TP73: variants seen among roughly 807,000 people sequenced by gnomAD.
TP73 encodes p53-like transcription factor.
Under a neutral mutation model 62.5 loss-of-function variants are expected in TP73, and 25 were observed. The ratio of observed to expected loss-of-function variants is 0.40; its 90% CI spans 0.29 to 0.56. TP73 has a LOEUF of 0.56. Among genes scored for constraint, TP73 ranks in the 20% least tolerant of loss-of-function variants. The pLI, the probability that TP73 is intolerant of heterozygous loss-of-function variation, is 0.46. For synonymous variants in TP73, 423 were observed against 377.5 expected (o/e 1.12, Z -1.40); for missense variants, 754 against 913.3 (o/e 0.83, Z 2.25).
At position 3,730,874 on chromosome 1, in the gene TP73, C is replaced by T. The variant is rs547082305; in HGVS notation, c.1346-53C>T. The T allele has an allele frequency of 1.2e-5, 19 of 1,532,390 alleles. 1 individual carries two copies. The South Asian group carries it at 1.7e-4, about 14-fold the overall frequency. The allele number at this position is 1,532,390 out of a possible 1,614,324, so 94.9% of individuals were successfully genotyped here. A position where few individuals can be genotyped will look rare whatever the true frequency, so the allele number is the denominator to read the frequency against. ...GTGTCTGGAGCCTGGGTGGAGGCTG[C>T]ACCTGGATGCCCAGCCTGGCTGCCC... On this transcript the variant is annotated intron_variant, in intron 11 of 13. Transcript: ENST00000378295.
intron 1 of TP73, among the ~76,000 whole-genome samples, chr1:3,667,169 G>A (rs1482172735): frequency 6.6e-6 from 1 of 152,116 alleles, no homozygotes; most frequent in Non-Finnish European, 1.5e-5. Context: ...TTGTCCCAGG[G>A]CCTCCAGAAC....
At chr1:3,704,131 C>T (rs558594288) in intron 3 of TP73, among the ~76,000 whole-genome samples, 1 of 152,362 alleles carries the variant, frequency 6.6e-6, no homozygotes, top group East Asian at 1.9e-4. Flanking sequence ...AGCAGCCACG[C>T]TGTAATAGGA....
intron 1 of TP73, among the ~76,000 whole-genome samples, chr1:3,656,342 C>G (rs1461015426): frequency 6.6e-6 from 1 of 152,250 alleles, no homozygotes; most frequent in Non-Finnish European, 1.5e-5. Flanking sequence ...CTCGCTCATC[C>G]AAAGTGCTTT....
chr1:3,718,102 C>G (rs1434789205), intron 4 of TP73, among the ~76,000 whole-genome samples: 19 of 152,176 alleles, frequency 1.2e-4, no homozygotes, highest in Admixed American at 1.2e-3. Flanking sequence ...CCTGTCCGTT[C>G]TAGGCCGCTC....
intron 1 of TP73, among the ~76,000 whole-genome samples, chr1:3,658,058 A>T (rs1644904314): frequency 6.6e-6 from 1 of 152,158 alleles, no homozygotes; most frequent in African/African-American, 2.4e-5. Flanking sequence ...CAGAGAGGAG[A>T]CGCCGTCCCA....
chr1:3,683,689 T>G (rs1280279233), intron 3 of TP73, among the ~76,000 whole-genome samples: 4 of 152,206 alleles, frequency 2.6e-5, no homozygotes, highest in Admixed American at 6.5e-5. Flanking sequence ...CCTATCCCTG[T>G]GGAGAGGAGA....
At chr1:3,688,308 C>T (rs1319046491) in intron 3 of TP73, among the ~76,000 whole-genome samples, 1 of 152,226 alleles carries the variant, frequency 6.6e-6, no homozygotes, top group Non-Finnish European at 1.5e-5. Context: ...CTTCTGCGGC[C>T]TCTTCCATGC....
At chr1:3,728,462 T>C (rs1400558312) in intron 9 of TP73, among the ~76,000 whole-genome samples, 1 of 152,206 alleles carries the variant, frequency 6.6e-6, no homozygotes, top group Admixed American at 6.5e-5. Flanking sequence ...CCATTTACAA[T>C]GAAGCCATGT....
chr1:3,732,166 G>T (rs577814735), intron 13 of TP73, among the ~76,000 whole-genome samples: 12 of 152,200 alleles, frequency 7.9e-5, no homozygotes, highest in Admixed American at 5.9e-4. Flanking sequence ...AGCCAGTGCC[G>T]CGGCCCAGGT....
At chr1:3,681,282 T>C (rs1186375068) in intron 1 of TP73, among the ~76,000 whole-genome samples, 1 of 152,126 alleles carries the variant, frequency 6.6e-6, no homozygotes, top group African/African-American at 2.4e-5. Context: ...GCCTGTCCCA[T>C]AGCACCTCAC....
intron 3 of TP73, among the ~76,000 whole-genome samples, chr1:3,697,295 C>T (rs1445347029): frequency 6.6e-6 from 1 of 152,228 alleles, no homozygotes; most frequent in Admixed American, 6.5e-5. Flanking sequence ...CAGCCCCGGG[C>T]GTCTCTGCTC....
In TP73 at chr1:3,692,087, G is replaced by A. The variant is rs1645853634; in HGVS notation, c.186+8907G>A. ...TGGGTGTGTGTACAGGCTGGTGTGT[G>A]TGTATGTACACGTGTTTGCCTGTGT... On this transcript the variant is annotated intron_variant, in intron 3 of 13. Coordinates refer to ENST00000378295, the MANE Select transcript of TP73 (RefSeq NM_005427.4). Among the ~76,000 whole-genome samples the A allele has an allele frequency of 2.0e-5, 3 of 152,204 alleles. No individual in the cohort carries two copies. The South Asian group carries it at 6.2e-4, about 31-fold the overall frequency.
At chr1:3,688,801 G>A (rs770632932) in intron 3 of TP73, among the ~76,000 whole-genome samples, 18 of 152,332 alleles carry the variant, frequency 1.2e-4, no homozygotes, top group Admixed American at 2.0e-4. Context: ...GGAGAGATGC[G>A]GGGTCTCAGG....
chr1:3,723,374 C>T lies in TP73; in HGVS notation c.637C>T (p.His213Tyr). The stretch of plus-strand genomic sequence containing the variant: ...GGCAGGACAGTCTGCTCCAGCCAGC[C>T]ACCTCATCCGCGTGGAAGGCAATAA... The part of the protein sequence containing the change: ...FNEGQSAPAS[H>Y]LIRVEGNNLS... Residue 213 changes from histidine (H) to tyrosine (Y), a missense_variant, in exon 6 of 14, where the codon CAC (histidine) becomes TAC (tyrosine). His to Tyr is a moderately conservative substitution (Grantham distance 83, BLOSUM62 2). Transcript: ENST00000378295. 1 of 1,612,656 alleles carries T rather than the reference C, an allele frequency of 6.2e-7. No homozygotes were observed. The highest frequency in any genetic ancestry group is 8.5e-7 in the Non-Finnish European group (1 of 1,179,868).
intron 1 of TP73, among the ~76,000 whole-genome samples, chr1:3,681,885 C>T (rs1570428739): frequency 9.2e-6 from 1 of 108,460 alleles, no homozygotes; most frequent in Non-Finnish European, 2.3e-5. Context: ...ACACTTGTTC[C>T]GGCCCAAGCA....
chr1:3,722,269 C>G (rs1557571739), intron 5 of TP73, 62 bp downstream of exon 5: 1 of 1,580,672 alleles, frequency 6.3e-7, no homozygotes, highest in East Asian at 2.3e-5. Context: ...GACAGCACAG[C>G]CGGGGGCTGC....
At chr1:3,657,181 G>A (rs1570340285) in intron 1 of TP73, among the ~76,000 whole-genome samples, 1 of 152,228 alleles carries the variant, frequency 6.6e-6, no homozygotes, top group Non-Finnish European at 1.5e-5. Flanking sequence ...GTTGTCTCAC[G>A]GTTGTGGAGG....
At chr1:3,667,625 C>T (rs989588081) in intron 1 of TP73, among the ~76,000 whole-genome samples, 1 of 151,892 alleles carries the variant, frequency 6.6e-6, no homozygotes, top group Non-Finnish European at 1.5e-5. Flanking sequence ...TGGCACGTGC[C>T]TGTAGTCCCA....
In TP73 at chr1:3,696,659, G is replaced by A. The variant is rs1053698680; in HGVS notation, c.187-10890G>A. 6.6e-5 allele frequency among the ~76,000 whole-genome samples: 10 copies of A among 152,070 alleles called. No individual in the cohort carries two copies. The highest frequency in any genetic ancestry group is 9.7e-5 in the African/African-American group (4 of 41,398). The stretch of plus-strand genomic sequence containing the variant: ...AACCCAGAGGCTGCTGAGTTCCCAC[G>A]GTTTGGAGAGGGCAGGGCCCAACTG... On this transcript the variant is annotated intron_variant, in intron 3 of 13. Transcript: ENST00000378295. The surrounding 1 kb of genome is among the most constrained non-coding windows in gnomAD (Gnocchi z 4.1).
Sources: gnomAD v4.1 joint callset for allele counts (sites outside exome capture counted in the v4.1 genomes callset) on GRCh38, gnomAD v4.1.1 for gene constraint, Gnocchi (gnomAD v3.1) non-coding constraint, MANE v1.5 for transcripts, NCBI Gene and HGNC (gene_info 2026-07-23, HGNC 2026-07-21) for gene names.